The following KCNC4 variants were observed in gnomAD, a reference collection of about 807,000 sequenced individuals.
KCNC4 encodes potassium voltage-gated channel subfamily C member 4, also known as voltage-gated potassium channel KCNC4.
KCNC4 carries 23 observed loss-of-function variants against 42.8 expected under a neutral mutation model. That is an observed-to-expected ratio of 0.54 (90% CI 0.39 to 0.76). KCNC4 has a LOEUF of 0.76. KCNC4 is among the 30% of genes least tolerant of loss of function. The pLI is 0.00. For missense variants in KCNC4, 751 were observed against 898.2 expected (o/e 0.84, Z 2.10); for synonymous variants, 422 against 393.5 (o/e 1.07, Z -0.86).
chr1:110,282,205 C>T (rs532352458), intron 1 of KCNC4, among the ~76,000 whole-genome samples: 5 of 152,326 alleles, frequency 3.3e-5, no homozygotes, highest in African/African-American at 1.2e-4. Context: ...TCAATCACTC[C>T]CTGGATCCCA....
chr1:110,214,865 C>T (rs1657687216), intron 1 of KCNC4, among the ~76,000 whole-genome samples: 1 of 152,202 alleles, frequency 6.6e-6, no homozygotes, highest in African/African-American at 2.4e-5. Context: ...TACTGTATTA[C>T]CCCTCCAGGC....
rs1056153060 is a variant in KCNC4 at position 110,263,348 on chromosome 1, T to G, written n.31-19186T>G. Among the ~76,000 whole-genome samples the G allele has an allele frequency of 3.8e-4, 10 of 26,432 alleles. No individual in the cohort carries two copies. The South Asian group carries it at 4.0e-3, about 10-fold the overall frequency. 17.3% of individuals were successfully genotyped at this position (26,432 alleles called of 152,430 possible). ...TAAAAATACATGAGAATTTAAGGGT[T>G]TTTTTTTTTCCCACATCTGCTGAGG... On this transcript the variant is annotated intron_variant and non_coding_transcript_variant, in intron 1 of 2. Coordinates refer to the KCNC4 transcript ENST00000412512.
intron 1 of KCNC4, among the ~76,000 whole-genome samples, chr1:110,215,955 C>T (rs942816623): frequency 9.2e-5 from 14 of 152,208 alleles, no homozygotes; most frequent in African/African-American, 3.4e-4. Flanking sequence ...AGAGCTTCTT[C>T]CTCCACTCTG....
chr1:110,236,112 G>T (rs1376823050), downstream of KCNC4: 1 of 152,204 alleles, frequency 6.6e-6, no homozygotes, highest in Non-Finnish European at 1.5e-5. Context: ...CAGTGAATCA[G>T]CCTCATTTCA....
chr1:110,227,635 C>G (rs952949658), intron 3 of KCNC4, among the ~76,000 whole-genome samples: 1 of 152,234 alleles, frequency 6.6e-6, no homozygotes, highest in African/African-American at 2.4e-5. Flanking sequence ...TCCACTGTGT[C>G]CTTGTTCAGG....
At chr1:110,214,383 A>G (rs1238566623) in intron 1 of KCNC4, among the ~76,000 whole-genome samples, 5 of 152,208 alleles carry the variant, frequency 3.3e-5, no homozygotes, top group Admixed American at 2.0e-4. Flanking sequence ...CACATGCACT[A>G]AAAGAGGACT....
At position 110,278,987 on chromosome 1, in the gene KCNC4, C is replaced by T. The variant is rs528777096; in HGVS notation, n.31-3547C>T. ...TTCCTCTTCTGGGACTTAGGTCTGC[C>T]GGCTCTGAAGACTCACCTTCCCCAG... On this transcript the variant is annotated intron_variant and non_coding_transcript_variant, in intron 1 of 2. Transcript: ENST00000412512. Among the ~76,000 whole-genome samples the T allele has an allele frequency of 8.5e-5, 13 of 152,168 alleles. No individual in the cohort carries two copies. In the East Asian group the frequency reaches 1.5e-3, roughly 18 times the overall value.
chr1:110,222,938 C>T (rs368299026), intron 1 of KCNC4, 26 bp from the exon 2 acceptor site: 122 of 1,569,934 alleles, frequency 7.8e-5, no homozygotes, highest in Non-Finnish European at 1.0e-4. Flanking sequence ...TGACAGCTGC[C>T]CCCTGCTCTC....
chr1:110,274,793 G>C (rs1230343363), intron 1 of KCNC4, among the ~76,000 whole-genome samples: 3 of 152,136 alleles, frequency 2.0e-5, no homozygotes, highest in Non-Finnish European at 4.4e-5. Flanking sequence ...AATGGTGCTG[G>C]GGAAATTGGA....
At chr1:110,222,702 C>T (rs1658164937) in intron 1 of KCNC4, 1 of 468,234 alleles carries the variant, frequency 2.1e-6, no homozygotes, top group African/African-American at 1.9e-5. Flanking sequence ...GGTCTAGCAG[C>T]TGTAGATACC....
chr1:110,273,330 T>A (rs57213976), intron 1 of KCNC4, among the ~76,000 whole-genome samples: 43,953 of 151,812 alleles, frequency 0.29, 6,755 homozygotes, highest in Admixed American at 0.43. Flanking sequence ...AAATCATGAG[T>A]TTCTGCTCAT....
rs770250581 is a variant in KCNC4, at chr1:110,223,549, A to G, written c.1264A>G (p.Asn422Asp). 1 of 1,613,930 alleles carries G rather than the reference A, an allele frequency of 6.2e-7. No homozygotes were observed. The highest frequency in any genetic ancestry group is 1.1e-5 in the South Asian group (1 of 91,076). ...PRGNDHTDFKNIPIGFWWAVV... is the reference protein window; with the variant it reads ...PRGNDHTDFKDIPIGFWWAVV... The stretch of plus-strand genomic sequence containing the variant: ...GGGTAATGACCACACCGACTTCAAG[A>G]ACATCCCCATTGGCTTCTGGTGGGC... The change falls in exon 2 of 4, where the codon AAC becomes GAC. Residue 422 changes from asparagine (N) to aspartate (D), a missense_variant. By Grantham distance (23) the Asn-to-Asp change is conservative. Around this residue, in one of 4 missense-constraint regions of KCNC4, gnomAD observed 185 missense variants for 293.7 expected, o/e 0.63. Coordinates refer to ENST00000438661, the MANE Select transcript of KCNC4 (RefSeq NM_001039574.3). This position sits in a 1 kb window ranked among gnomAD's most constrained non-coding sequence, Gnocchi z 7.5.
intron 3 of KCNC4, chr1:110,226,431 G>A: frequency 1.9e-6 from 1 of 534,340 alleles, no homozygotes; most frequent in Non-Finnish European, 3.4e-6. Context: ...AGGGTAAAGG[G>A]TGCACAAGGC....
chr1:110,258,995 T>A (rs746402600), intron 1 of KCNC4, among the ~76,000 whole-genome samples: 8 of 152,230 alleles, frequency 5.3e-5, no homozygotes, highest in Non-Finnish European at 1.0e-4. Context: ...CAGAGCTGAA[T>A]AGCAGGGGTG....
intron 1 of KCNC4, among the ~76,000 whole-genome samples, chr1:110,280,208 T>C (rs1659797323): frequency 6.6e-6 from 1 of 152,176 alleles, no homozygotes; most frequent in Non-Finnish European, 1.5e-5. Context: ...ACAGAGAGGT[T>C]AATTACATGC....
rs761808850 is a variant in KCNC4 at position 110,233,000 on chromosome 1, AGACAGACAGAAAGCCAGAGGCTT to A, written c.*29_*51del. The A allele has an allele frequency of 1.7e-5, 28 of 1,604,912 alleles. No homozygotes were observed. The Admixed American group carries it at 4.7e-4, about 27-fold the overall frequency. ...CGGCACCAACGTGAGAGAGACAGGC[AGACAGACAGAAAGCCAGAGGCTT>A]AGGGAAACTCTGGAACCCAGACAAG... On this transcript the variant is annotated 3_prime_UTR_variant, in exon 4 of 4. Transcript: ENST00000438661.
exon 4 of KCNC4, chr1:110,239,360 C>A (rs541903578): frequency 6.6e-6 from 1 of 152,370 alleles, no homozygotes; most frequent in Non-Finnish European, 1.5e-5. Context: ...CCCCACCCCA[C>A]CTCCTTCTCT....
exon 4 of KCNC4, chr1:110,239,853 T>C (rs1203147613): frequency 6.6e-6 from 1 of 152,240 alleles, no homozygotes; most frequent in Non-Finnish European, 1.5e-5. Context: ...TACCTGGTAC[T>C]TTTTGGTACT....
At chr1:110,236,418 C>G (rs1160891775), downstream of KCNC4, 1 of 152,198 alleles carries the variant, frequency 6.6e-6, no homozygotes, top group South Asian at 2.1e-4. Context: ...GTCATAACCT[C>G]CAGTGTAGGA....
Sources: allele counts gnomAD v4.1 joint callset (sites outside exome capture counted in the v4.1 genomes callset), GRCh38; gene constraint gnomAD v4.1.1; regional missense constraint gnomAD v4.1.1; non-coding constraint Gnocchi (gnomAD v3.1); transcripts MANE v1.5; gene names NCBI Gene and HGNC (gene_info 2026-07-23, HGNC 2026-07-21).